Variants in CD101 observed in about 807,000 individuals in gnomAD.
The protein encoded by CD101 is immunoglobulin superfamily member 2.
A neutral mutation model predicts 98.2 loss-of-function variants in CD101; 76 were observed. The observed-to-expected ratio is 0.77, with a 90% CI of 0.64 to 0.94. The LOEUF is 0.94. CD101 is among the 40% of genes least tolerant of loss of function. The pLI, the probability that CD101 is intolerant of heterozygous loss-of-function variation, is 0.00. For synonymous variants in CD101, 471 were observed against 472.7 expected (o/e 1.00, Z 0.05); for missense variants, 1,145 against 1,218.8 (o/e 0.94, Z 0.90).
chr1:117,008,908 C>T (rs1484743638), intron 1 of CD101, among the ~76,000 whole-genome samples: 1 of 152,200 alleles, frequency 6.6e-6, no homozygotes, highest in Non-Finnish European at 1.5e-5. Context: ...GTACCCTGGG[C>T]CCCTAGTGGA....
In CD101 at chr1:117,025,753, C is replaced by A; in HGVS notation, c.2673C>A (p.Asp891Glu). Residue 891 changes from aspartate to glutamate, a missense_variant, in exon 8 of 10, where the codon GAC becomes GAA. Coordinates refer to ENST00000682167, the MANE Select transcript of CD101 (RefSeq NM_001256106.3). ...ACTGTTACCGTTCATCCTCTACAGA[C>A]TTTGTCCTGAAGCTTCATCAGGTGG... The part of the protein sequence containing the change: ...HLHCYRSSST[D>E]FVLKLHQVEM... 1 of 1,614,170 alleles carries A rather than the reference C, an allele frequency of 6.2e-7. No homozygotes were observed. The highest frequency in any genetic ancestry group is 8.5e-7 in the Non-Finnish European group (1 of 1,180,036).
rs945106717 is a variant in CD101 at position 117,012,266 on chromosome 1, A to G, written c.841+300A>G. 6.6e-6 allele frequency among the ~76,000 whole-genome samples: 1 copy of G among 152,272 alleles called. No individual in the cohort carries two copies. Among genetic ancestry groups the G allele is most frequent in the East Asian group, 1.9e-4 (1 of 5,184 alleles). On this transcript the variant is annotated intron_variant, in intron 3 of 9. Coordinates refer to ENST00000682167, the MANE Select transcript of CD101 (RefSeq NM_001256106.3). This position sits in a 1 kb window ranked among gnomAD's most constrained non-coding sequence, Gnocchi z 4.0. The stretch of plus-strand genomic sequence containing the variant: ...GCCAGTCTCTGTTCACACATTATCT[A>G]CATTATCTAATTTAGTCGTAACCAC...
Position 117,034,118 on chromosome 1 carries a change from G to A in CD101, c.*17G>A. 1 of 1,613,350 alleles carries A rather than the reference G, an allele frequency of 6.2e-7. No homozygotes were observed. The highest frequency in any genetic ancestry group is 1.7e-5 in the Admixed American group (1 of 59,914). On this transcript the variant is annotated 3_prime_UTR_variant, in exon 9 of 10. Coordinates refer to ENST00000682167, the MANE Select transcript of CD101 (RefSeq NM_001256106.3). Reference sequence around the variant, plus strand: ...GGCAACTGAATCCCAAGAGGCACCTGCAGCCAGGAAGGAAAGGTGGGGGCT... The same window carrying A: ...GGCAACTGAATCCCAAGAGGCACCTACAGCCAGGAAGGAAAGGTGGGGGCT...
At chr1:117,003,114 C>T (rs1360007819) in intron 1 of CD101, among the ~76,000 whole-genome samples, 1 of 151,966 alleles carries the variant, frequency 6.6e-6, no homozygotes, top group Non-Finnish European at 1.5e-5. Flanking sequence ...TGCACTCCAG[C>T]CTGGGTGACA....
At position 117,021,103 on chromosome 1, in the gene CD101, G is replaced by C. The variant is rs914671190; in HGVS notation, c.2018-470G>C. ...GATACAACTAGAGTTTGGAAATTGTGAATCCAGAAGTACTCTGCATAGTAA... is the reference window on the plus strand; with the variant it reads ...GATACAACTAGAGTTTGGAAATTGTCAATCCAGAAGTACTCTGCATAGTAA... On this transcript the variant is annotated intron_variant, in intron 6 of 9. Transcript: ENST00000682167. The surrounding 1 kb of genome is among the most constrained non-coding windows in gnomAD (Gnocchi z 4.7). Among the ~76,000 whole-genome samples the C allele has an allele frequency of 1.3e-5, 2 of 152,202 alleles. No homozygotes were observed. Among genetic ancestry groups the C allele is most frequent in the Non-Finnish European group, 1.5e-5 (1 of 68,036 alleles).
At chr1:117,008,821 C>T (rs1049980589) in intron 1 of CD101, among the ~76,000 whole-genome samples, 21 of 152,046 alleles carry the variant, frequency 1.4e-4, no homozygotes, top group African/African-American at 2.4e-5. Flanking sequence ...GAACTCTGTT[C>T]GGTTAACTCC....
At position 117,010,954 on chromosome 1, in the gene CD101, C is replaced by G. The variant is rs886468492; in HGVS notation, c.425-596C>G. Among the ~76,000 whole-genome samples the G allele has an allele frequency of 6.6e-6, 1 of 152,186 alleles. No homozygotes were observed. The highest frequency in any genetic ancestry group is 2.4e-5 in the African/African-American group (1 of 41,460). ...CTCAGTGGCTAGCACCGAGTAGACG[C>G]TCAGTCACATTCATTGATTAAATCT... is the stretch of plus-strand genomic sequence containing the variant. On this transcript the variant is annotated intron_variant, in intron 2 of 9. Coordinates refer to ENST00000682167, the MANE Select transcript of CD101 (RefSeq NM_001256106.3). The surrounding 1 kb of genome is among the most constrained non-coding windows in gnomAD (Gnocchi z 5.2).
intron 1 of CD101, among the ~76,000 whole-genome samples, chr1:117,003,613 T>G (rs1019926598): frequency 4.6e-5 from 7 of 152,244 alleles, no homozygotes; most frequent in Non-Finnish European, 1.0e-4. Context: ...GGGTTTACAT[T>G]GTGCAATAAT....
intron 8 of CD101, chr1:117,026,571 T>C (rs1440715844): frequency 6.6e-6 from 1 of 152,276 alleles, no homozygotes; most frequent in Non-Finnish European, 1.5e-5. Context: ...CCCATACTCA[T>C]GAGCACATTC....
At chr1:117,029,372 T>TA (rs1654297720) in intron 8 of CD101, among the ~76,000 whole-genome samples, 1 of 152,172 alleles carries the variant, frequency 6.6e-6, no homozygotes, top group Admixed American at 6.5e-5. Flanking sequence ...GAAGAGTAGA[T>TA]ACGACTGTCA....
rs2806874 is a variant in CD101, at chr1:117,019,241, A to C, written c.2017+681A>C. On this transcript the variant is annotated intron_variant, in intron 6 of 9. Transcript: ENST00000682167. The surrounding 1 kb of genome is among the most constrained non-coding windows in gnomAD (Gnocchi z 4.3). ...GGATAGCAGAACAGCTTTGGATGAG[A>C]CACTTAATCTGCTGAAGCCTTAGTT... Among the ~76,000 whole-genome samples, 89,324 of 152,032 alleles carry C rather than the reference A, an allele frequency of 0.59. 26,501 individuals are homozygous for C. Among genetic ancestry groups the C allele is most frequent in the East Asian group, 0.67 (3,448 of 5,178 alleles).
intron 8 of CD101, among the ~76,000 whole-genome samples, chr1:117,028,012 G>A (rs1654069408): frequency 1.3e-5 from 2 of 152,150 alleles, no homozygotes; most frequent in South Asian, 2.1e-4. Context: ...TTGAACCCAG[G>A]AGGGGAAGGT....
Position 117,004,252 on chromosome 1 carries a change from A to G in CD101, c.43+2392A>G, listed in dbSNP as rs1450505103. 2.0e-5 allele frequency among the ~76,000 whole-genome samples: 3 copies of G among 152,208 alleles called. No individual in the cohort carries two copies. Among genetic ancestry groups the G allele is most frequent in the Non-Finnish European group, 4.4e-5 (3 of 68,038 alleles). On this transcript the variant is annotated intron_variant, in intron 1 of 9. Transcript: ENST00000682167. This position sits in a 1 kb window ranked among gnomAD's most constrained non-coding sequence, Gnocchi z 4.1. ...ATGGAAGCTATCTCAGCCTCCAAGC[A>G]TATAGGGTTTTTGAATGTGAAAAGA... is the stretch of plus-strand genomic sequence containing the variant.
In CD101 at chr1:117,005,270, C is replaced by G. The variant is rs540660661; in HGVS notation, c.43+3410C>G. On this transcript the variant is annotated intron_variant, in intron 1 of 9. Coordinates refer to ENST00000682167, the MANE Select transcript of CD101 (RefSeq NM_001256106.3). The surrounding 1 kb of genome is among the most constrained non-coding windows in gnomAD (Gnocchi z 4.4). ...CATTCTCCATCCCACCCCTTCCTAC[C>G]GCTCCTCACCTAGCTACTCTTTCTA... Among the ~76,000 whole-genome samples, 7 of 152,186 alleles carry G rather than the reference C, an allele frequency of 4.6e-5. No homozygotes were observed. In the East Asian group the frequency reaches 1.4e-3, roughly 29 times the overall value.
chr1:117,016,628 A>T (rs1057045155), intron 4 of CD101, among the ~76,000 whole-genome samples: 2 of 152,154 alleles, frequency 1.3e-5, no homozygotes, highest in African/African-American at 4.8e-5. Flanking sequence ...GGAGGCTGAG[A>T]CAGGAGGATC....
In CD101 at chr1:117,025,748, A is replaced by G. The variant is rs774978353; in HGVS notation, c.2668A>G (p.Thr890Ala). 1 of 1,614,162 alleles carries G rather than the reference A, an allele frequency of 6.2e-7. No individual in the cohort carries two copies. Among genetic ancestry groups the G allele is most frequent in the East Asian group, 2.2e-5 (1 of 44,882 alleles). The change falls in exon 8 of 10, where the codon ACA becomes GCA. Residue 890 changes from threonine (T) to alanine (A), a missense_variant. Physicochemically the swap from Thr to Ala is moderately conservative, Grantham distance 58. Transcript: ENST00000682167. ...CCTGCACTGTTACCGTTCATCCTCT[A>G]CAGACTTTGTCCTGAAGCTTCATCA... ...RHLHCYRSSS[T>A]DFVLKLHQVE...
At chr1:117,002,802 T>C (rs1209755898) in intron 1 of CD101, among the ~76,000 whole-genome samples, 1 of 152,228 alleles carries the variant, frequency 6.6e-6, no homozygotes, top group African/African-American at 2.4e-5. Context: ...TGAGTATAAA[T>C]AACATTTCAA....
In CD101 at chr1:117,021,628, C is replaced by T; in HGVS notation, c.2073C>T (p.Ser691=). ...RSQVQELSIN[S]NTDIECSILS... Reference sequence around the variant, plus strand: ...AAGTCCAAGAGCTCTCCATCAACTCCAACACTGATATAGAATGTAGCATCT... The same window carrying T: ...AAGTCCAAGAGCTCTCCATCAACTCTAACACTGATATAGAATGTAGCATCT... The change falls in exon 7 of 10, where the codon TCC becomes TCT. Residue 691 remains serine, a synonymous_variant. Transcript: ENST00000682167. The surrounding 1 kb of genome is among the most constrained non-coding windows in gnomAD (Gnocchi z 4.7). 6.2e-7 allele frequency: 1 copy of T among 1,611,770 alleles called. No individual in the cohort carries two copies. The highest frequency in any genetic ancestry group is 2.2e-5 in the East Asian group (1 of 44,862).
chr1:117,015,811 G>A (rs1653171619), intron 4 of CD101, among the ~76,000 whole-genome samples: 1 of 152,184 alleles, frequency 6.6e-6, no homozygotes, highest in Non-Finnish European at 1.5e-5. Flanking sequence ...CAACAATGCA[G>A]CAAGGTGAGC....
Sources: gnomAD v4.1 joint callset for allele counts (sites outside exome capture counted in the v4.1 genomes callset) on GRCh38, gnomAD v4.1.1 for gene constraint, Gnocchi (gnomAD v3.1) non-coding constraint, MANE v1.5 for transcripts, NCBI Gene and HGNC (gene_info 2026-07-23, HGNC 2026-07-21) for gene names.